Variants in GRSF1 observed in about 807,000 individuals in gnomAD.
The protein encoded by GRSF1 is G-rich sequence factor 1.
A neutral mutation model predicts 51.1 loss-of-function variants in GRSF1; 50 were observed. The ratio of observed to expected loss-of-function variants is 0.98; its 90% CI spans 0.78 to 1.24. The LOEUF is 1.24. Among genes scored for constraint, GRSF1 ranks in the 50% most tolerant of loss-of-function variants. The pLI is 0.00. For synonymous variants in GRSF1, 293 were observed against 253.3 expected (o/e 1.16, Z -1.49); for missense variants, 700 against 639.7 (o/e 1.09, Z -1.02).
At chr4:70,832,924 GGTGACAGA>G (rs1274165849) in intron 3 of GRSF1, among the ~76,000 whole-genome samples, 186 bp downstream of exon 3, 1 of 152,118 alleles carries the variant, frequency 6.6e-6, no homozygotes, top group African/African-American at 2.4e-5. Flanking sequence ...CTCCAGCCTG[GGTGACAGA>G]GTGAGATTCC....
At chr4:70,843,107 C>T (rs768790492), upstream of GRSF1, among the ~76,000 whole-genome samples, 1 of 152,124 alleles carries the variant, frequency 6.6e-6, no homozygotes, top group South Asian at 2.1e-4. Context: ...TATAAGAGGC[C>T]ATTGGTTTGG....
chr4:70,835,550 G>A (rs1313435692), intron 2 of GRSF1, among the ~76,000 whole-genome samples: 12 of 149,672 alleles, frequency 8.0e-5, no homozygotes, highest in African/African-American at 2.5e-5. Flanking sequence ...TCCACCTCCC[G>A]GATTCACACC....
At chr4:70,826,332 A>G (rs1560595827) in intron 6 of GRSF1, 87 bp from the exon 7 acceptor site, 4 of 1,136,980 alleles carry the variant, frequency 3.5e-6, no homozygotes. Context: ...TTTTATGTCC[A>G]AATCCTCAAT....
rs182804077 is a variant in GRSF1, at chr4:70,819,579, G to C, written c.*1308C>G. The C allele has an allele frequency of 4.6e-5, 7 of 152,376 alleles. No individual in the cohort carries two copies. The highest frequency in any genetic ancestry group is 9.7e-5 in the African/African-American group (4 of 41,412). The allele number at this position is 152,376 out of a possible 1,614,324, so 9.4% of individuals were successfully genotyped here. A position where few individuals can be genotyped will look rare whatever the true frequency, so the allele number is the denominator to read the frequency against. On this transcript the variant is annotated 3_prime_UTR_variant, in exon 10 of 10. Transcript: ENST00000254799. ...TTATTGACTACAGTACAGTGATTTC[G>C]CATCTTAGCTGGTAATCAAAGATGG...
At chr4:70,843,116 G>C (rs527998455), upstream of GRSF1, among the ~76,000 whole-genome samples, 8 of 152,132 alleles carry the variant, frequency 5.3e-5, no homozygotes, top group Non-Finnish European at 1.2e-4. Flanking sequence ...CCATTGGTTT[G>C]GACTGAGCTC....
Position 70,820,028 on chromosome 4 carries a change from A to G in GRSF1, c.*859T>C, listed in dbSNP as rs1733442069. 6.6e-6 allele frequency: 1 copy of G among 152,432 alleles called. No homozygotes were observed. Among genetic ancestry groups the G allele is most frequent in the Non-Finnish European group, 1.5e-5 (1 of 68,022 alleles). The allele number at this position is 152,432 out of a possible 1,614,324, so 9.4% of individuals were successfully genotyped here. On this transcript the variant is annotated 3_prime_UTR_variant, in exon 10 of 10. Coordinates refer to ENST00000254799, the MANE Select transcript of GRSF1 (RefSeq NM_002092.4). The stretch of plus-strand genomic sequence containing the variant: ...AAATGAGGAGACTGATTTTTTTCCT[A>G]TCTAGAGCTGGTTTAAATTCAAGTG...
At chr4:70,823,302 C>A (rs924052860) in intron 9 of GRSF1, among the ~76,000 whole-genome samples, 1 of 151,906 alleles carries the variant, frequency 6.6e-6, no homozygotes, top group Non-Finnish European at 1.5e-5. Context: ...GAGGCTGAGG[C>A]AGGAGAATCT....
At chr4:70,832,269 A>G (rs1734010055) in intron 4 of GRSF1, 38 bp downstream of exon 4, 1 of 1,582,580 alleles carries the variant, frequency 6.3e-7, no homozygotes, top group Non-Finnish European at 8.6e-7. Flanking sequence ...AAGGGAAAAA[A>G]GATATGAGCT....
upstream of GRSF1, among the ~76,000 whole-genome samples, chr4:70,842,727 A>G (rs1203607616): frequency 6.6e-6 from 1 of 152,114 alleles, no homozygotes; most frequent in Non-Finnish European, 1.5e-5. Context: ...TCTTGCCCTC[A>G]TTTTCTTAAT....
chr4:70,841,914 TC>T (rs1238935556), upstream of GRSF1, among the ~76,000 whole-genome samples: 3 of 152,162 alleles, frequency 2.0e-5, no homozygotes, highest in African/African-American at 7.2e-5. Flanking sequence ...GTGCAAATAC[TC>T]CATCTTCCAG....
In GRSF1 at chr4:70,824,347, A is replaced by C; in HGVS notation, c.1415T>G (p.Phe472Cys). The change falls in exon 9 of 10, where the codon TTC becomes TGC. Residue 472 changes from phenylalanine to cysteine, a missense_variant. By Grantham distance (205) the Phe-to-Cys change is radical. Coordinates refer to ENST00000254799, the MANE Select transcript of GRSF1 (RefSeq NM_002092.4). Reference protein sequence around the residue: ...SHVHHRYIELFLNSCPKGK With the variant: ...SHVHHRYIELCLNSCPKGK ...TTTTCCTTTTGGACATGAATTCAGGAACAGTTCAATATACCTATGATCTGA... is the reference window on the plus strand; with the variant it reads ...TTTTCCTTTTGGACATGAATTCAGGCACAGTTCAATATACCTATGATCTGA... The C allele has an allele frequency of 1.3e-6, 2 of 1,493,892 alleles. No individual in the cohort carries two copies. Among genetic ancestry groups the C allele is most frequent in the Non-Finnish European group, 1.8e-6 (2 of 1,081,230 alleles). The allele number at this position is 1,493,892 out of a possible 1,614,324, so 92.5% of individuals were successfully genotyped here.
intron 5 of GRSF1, among the ~76,000 whole-genome samples, chr4:70,830,170 G>T (rs1183794985): frequency 6.6e-6 from 1 of 152,170 alleles, no homozygotes. Flanking sequence ...GCTCACACCT[G>T]TAATCCTAGC....
upstream of GRSF1, among the ~76,000 whole-genome samples, chr4:70,840,102 CG>C (rs1251866203): frequency 1.1e-5 from 1 of 89,528 alleles, no homozygotes; most frequent in East Asian, 3.8e-4. Flanking sequence ...ATGGTTTGGG[CG>C]GGGCTGCCCA....
At chr4:70,842,474 T>C (rs901338199), upstream of GRSF1, among the ~76,000 whole-genome samples, 1 of 152,184 alleles carries the variant, frequency 6.6e-6, no homozygotes, top group African/African-American at 2.4e-5. Flanking sequence ...TTTGCTCTTT[T>C]GCCCGAGCTG....
At position 70,823,994 on chromosome 4, in the gene GRSF1, T is replaced by TTTTTTA. The variant is rs1733632554; in HGVS notation, c.*25+299_*25+300insTAAAAA. Among the ~76,000 whole-genome samples, 4 of 147,996 alleles carry TTTTTTA rather than the reference T, an allele frequency of 2.7e-5. 1 individual carries two copies. Among genetic ancestry groups the TTTTTTA allele is most frequent in the African/African-American group, 7.4e-5 (3 of 40,346 alleles). ...TCTCTCTCTTTTTTTTTTTTTTTTT[T>TTTTTTA]GAGTCTCGCTCTGTTGCCCAGGCTG... On this transcript the variant is annotated intron_variant, in intron 9 of 9. Coordinates refer to ENST00000254799, the MANE Select transcript of GRSF1 (RefSeq NM_002092.4).
At chr4:70,839,155 TCAG>T in intron 1 of GRSF1, 16 of 1,332,588 alleles carry the variant, frequency 1.2e-5, no homozygotes, top group Non-Finnish European at 1.5e-5. Flanking sequence ...GGTGGGGGCG[TCAG>T]CAGCCTCACG....
At position 70,817,072 on chromosome 4, in the gene GRSF1, T is replaced by A. The variant is rs1482423814; in HGVS notation, c.*3815A>T. 2 of 152,176 alleles carry A rather than the reference T, an allele frequency of 1.3e-5. No individual in the cohort carries two copies. The highest frequency in any genetic ancestry group is 4.8e-5 in the African/African-American group (2 of 41,444). The allele number at this position is 152,176 out of a possible 1,614,324, so 9.4% of individuals were successfully genotyped here. A position where few individuals can be genotyped will look rare whatever the true frequency, so the allele number is the denominator to read the frequency against. On this transcript the variant is annotated 3_prime_UTR_variant, in exon 10 of 10. Coordinates refer to ENST00000254799, the MANE Select transcript of GRSF1 (RefSeq NM_002092.4). Reference sequence around the variant, plus strand: ...AGTAAAAGTCACTGCAAGCTTACACTAGAAACTGATAACAGGGCTGTGCGA... The same window carrying A: ...AGTAAAAGTCACTGCAAGCTTACACAAGAAACTGATAACAGGGCTGTGCGA...
intron 9 of GRSF1, among the ~76,000 whole-genome samples, chr4:70,821,607 CAAA>C (rs756802771): frequency 1.6e-5 from 1 of 63,616 alleles, no homozygotes; most frequent in Non-Finnish European, 3.4e-5. Context: ...CTCCGTCTCC[CAAA>C]AAAAAAAAAA....
chr4:70,820,115 TAACA>T lies in GRSF1; in HGVS notation c.*768_*771del, dbSNP rs1483239881. 1 of 152,156 alleles carries T rather than the reference TAACA, an allele frequency of 6.6e-6. No individual in the cohort carries two copies. Among genetic ancestry groups the T allele is most frequent in the African/African-American group, 2.4e-5 (1 of 41,438 alleles). 9.4% of individuals were successfully genotyped at this position (152,156 alleles called of 1,614,324 possible). ...ACATGTCACTTCACAGTTTTGAGAC[TAACA>T]AACACCCTTAGGTCTACCCCAAACC... is the stretch of plus-strand genomic sequence containing the variant. On this transcript the variant is annotated 3_prime_UTR_variant, in exon 10 of 10. Coordinates refer to ENST00000254799, the MANE Select transcript of GRSF1 (RefSeq NM_002092.4).
Sources: gnomAD v4.1 joint callset for allele counts (sites outside exome capture counted in the v4.1 genomes callset) on GRCh38, gnomAD v4.1.1 for gene constraint, MANE v1.5 for transcripts, NCBI Gene and HGNC (gene_info 2026-07-23, HGNC 2026-07-21) for gene names.